The following RUNX1 variants were observed in gnomAD, a reference collection of about 807,000 sequenced individuals.
The protein encoded by RUNX1 is RUNX family transcription factor 1, also known as runt-related transcription factor 1.
RUNX1 carries 19 observed loss-of-function variants against 42.8 expected under a neutral mutation model. The observed-to-expected ratio is 0.44, with a 90% CI of 0.31 to 0.65. The LOEUF (loss-of-function observed/expected upper bound fraction) is 0.65, where lower values mean the gene tolerates loss of function less well. Among genes scored for constraint, RUNX1 ranks in the 30% least tolerant of loss-of-function variants. The pLI is 0.07. For missense variants in RUNX1, 528 were observed against 672.0 expected (o/e 0.79, Z 2.37); for synonymous variants, 271 against 289.4 (o/e 0.94, Z 0.64).
chr21:34,849,366 A>ATATATACTATATACATAG (rs2057374214), intron 6 of RUNX1, among the ~76,000 whole-genome samples: 1 of 54,534 alleles, frequency 1.8e-5, no homozygotes, highest in African/African-American at 7.2e-5. Context: ...ATAATATATT[A>ATATATACTATATACATAG]TATATACTAT....
chr21:34,981,855 G>A (rs894208662), intron 2 of RUNX1, among the ~76,000 whole-genome samples: 2 of 152,080 alleles, frequency 1.3e-5, no homozygotes, highest in Non-Finnish European at 2.9e-5. Context: ...TTCTGAGACC[G>A]GTCTTTCTGT....
At chr21:34,794,708 A>G (rs1330019483) in intron 8 of RUNX1, among the ~76,000 whole-genome samples, 1 of 152,154 alleles carries the variant, frequency 6.6e-6, no homozygotes, top group African/African-American at 2.4e-5. Flanking sequence ...TTTGTGTATT[A>G]GGCAGGGTTC....
At chr21:34,874,907 C>T (rs1173730134) in intron 5 of RUNX1, among the ~76,000 whole-genome samples, 1 of 152,134 alleles carries the variant, frequency 6.6e-6, no homozygotes, top group Non-Finnish European at 1.5e-5. Context: ...CTCTTGCAGG[C>T]ACTTTCTGAT....
chr21:34,856,447 T>A (rs1222293556), intron 6 of RUNX1: 1 of 518,518 alleles, frequency 1.9e-6, no homozygotes, highest in South Asian at 1.4e-5. Flanking sequence ...GGTCAAAGAG[T>A]CTATAAGAAA....
At chr21:34,953,077 G>C (rs1402904778) in intron 2 of RUNX1, among the ~76,000 whole-genome samples, 2 of 151,850 alleles carry the variant, frequency 1.3e-5, no homozygotes, top group Non-Finnish European at 2.9e-5. Flanking sequence ...AAAGACTTAA[G>C]GGATGGCTAC....
chr21:35,016,227 T>C (rs555335651), intron 2 of RUNX1, among the ~76,000 whole-genome samples: 31 of 152,312 alleles, frequency 2.0e-4, no homozygotes, highest in African/African-American at 6.7e-4. Context: ...CAACATGCCA[T>C]TGTCTTCAGT....
At chr21:34,939,352 T>C (rs534857019) in intron 2 of RUNX1, among the ~76,000 whole-genome samples, 1 of 152,352 alleles carries the variant, frequency 6.6e-6, no homozygotes, top group African/African-American at 2.4e-5. Context: ...GGGCTGCCAA[T>C]TGACGATGCA....
chr21:34,897,625 CA>C (rs1213621022), intron 2 of RUNX1, among the ~76,000 whole-genome samples: 1 of 152,100 alleles, frequency 6.6e-6, no homozygotes. Flanking sequence ...GTGGTGGAAC[CA>C]CCCCTTCCCT....
chr21:34,797,853 T>G (rs1455419764), intron 8 of RUNX1, among the ~76,000 whole-genome samples: 1 of 152,142 alleles, frequency 6.6e-6, no homozygotes, highest in African/African-American at 2.4e-5. Flanking sequence ...CTTGGGAAAT[T>G]TGGCAATGTC....
At chr21:34,972,724 G>T (rs2058771585) in intron 2 of RUNX1, among the ~76,000 whole-genome samples, 1 of 152,122 alleles carries the variant, frequency 6.6e-6, no homozygotes, top group South Asian at 2.1e-4. Context: ...ACTTTGCATT[G>T]ATTAACTCTA....
chr21:34,818,176 G>A (rs980173139), intron 7 of RUNX1, among the ~76,000 whole-genome samples: 4 of 152,128 alleles, frequency 2.6e-5, no homozygotes, highest in East Asian at 1.9e-4. Flanking sequence ...TGGGGGCTGC[G>A]CCCCTGCCTA....
chr21:34,884,496 T>C (rs1601523528), intron 4 of RUNX1, among the ~76,000 whole-genome samples: 3 of 152,318 alleles, frequency 2.0e-5, no homozygotes, highest in Middle Eastern at 3.4e-3. Flanking sequence ...TGCGGCTTAT[T>C]TAAGATCCAA....
intron 5 of RUNX1, among the ~76,000 whole-genome samples, chr21:34,865,333 G>T (rs747255161): frequency 8.1e-5 from 12 of 148,246 alleles, no homozygotes; most frequent in Non-Finnish European, 1.6e-4. Context: ...TGTTCAGCAG[G>T]TGATGGGGCT....
At chr21:34,817,619 C>T in intron 7 of RUNX1, among the ~76,000 whole-genome samples, 1 of 152,102 alleles carries the variant, frequency 6.6e-6, no homozygotes, top group Middle Eastern at 3.2e-3. Context: ...TACTCAAGCC[C>T]CCAAGACATG....
chr21:34,944,845 C>T (rs528438720), intron 2 of RUNX1, among the ~76,000 whole-genome samples: 8 of 152,278 alleles, frequency 5.3e-5, no homozygotes, highest in Admixed American at 5.2e-4. Context: ...ATATGAAAGA[C>T]AGTTTAATGT....
In RUNX1 at chr21:35,006,044, T is replaced by C. The variant is rs144970301; in HGVS notation, c.58+42798A>G. On this transcript the variant is annotated intron_variant, in intron 2 of 8. Coordinates refer to ENST00000675419, the MANE Select transcript of RUNX1 (RefSeq NM_001754.5). ...AGTGAGTAAGTTGCTCACATCATTG[T>C]TGGCAGGCTCATCCCAATTTTAAGT... is the stretch of plus-strand genomic sequence containing the variant. 3.9e-5 allele frequency among the ~76,000 whole-genome samples: 6 copies of C among 152,332 alleles called. No individual in the cohort carries two copies. The East Asian group carries it at 1.2e-3, about 29-fold the overall frequency.
intron 2 of RUNX1, among the ~76,000 whole-genome samples, chr21:35,027,845 T>C (rs1287696833): frequency 1.3e-5 from 2 of 152,246 alleles, no homozygotes; most frequent in Non-Finnish European, 2.9e-5. Flanking sequence ...TTTTGTGTAA[T>C]GGTACAGAAT....
chr21:35,004,498 C>T (rs1392310434), intron 2 of RUNX1, among the ~76,000 whole-genome samples: 1 of 152,212 alleles, frequency 6.6e-6, no homozygotes, highest in South Asian at 2.1e-4. Flanking sequence ...AACAGCACGA[C>T]AATTTCAGGA....
intron 2 of RUNX1, among the ~76,000 whole-genome samples, chr21:34,904,776 G>A (rs1374325222): frequency 6.6e-6 from 1 of 152,168 alleles, no homozygotes; most frequent in Non-Finnish European, 1.5e-5. Context: ...CTTTAAGATT[G>A]TTTCAGAAGT....
Sources: allele counts gnomAD v4.1 joint callset (sites outside exome capture counted in the v4.1 genomes callset), GRCh38; gene constraint gnomAD v4.1.1; transcripts MANE v1.5; gene names NCBI Gene and HGNC (gene_info 2026-07-23, HGNC 2026-07-21).